Variants in MAD1L1 observed in about 807,000 individuals in gnomAD.
MAD1L1 encodes the protein mitotic spindle assembly checkpoint protein MAD1.
MAD1L1 carries 95 observed loss-of-function variants against 96.9 expected under a neutral mutation model. The ratio of observed to expected loss-of-function variants is 0.98; its 90% confidence interval spans 0.83 to 1.16. MAD1L1 has a LOEUF of 1.16. MAD1L1 is among the 50% of genes most tolerant of loss of function. The pLI, the probability that MAD1L1 is intolerant of heterozygous loss-of-function variation, is 0.00. For missense variants in MAD1L1, 1,007 were observed against 954.4 expected (o/e 1.06, Z -0.73); for synonymous variants, 473 against 396.6 (o/e 1.19, Z -2.29).
At chr7:2,130,681 ACT>A (rs1336204204) in intron 11 of MAD1L1, among the ~76,000 whole-genome samples, 2 of 151,954 alleles carry the variant, frequency 1.3e-5, no homozygotes, top group African/African-American at 4.8e-5. Flanking sequence ...CGTGTCCGCG[ACT>A]CTCTCTTCCT....
At chr7:2,178,697 G>C (rs756134661) in intron 10 of MAD1L1, among the ~76,000 whole-genome samples, 1 of 152,152 alleles carries the variant, frequency 6.6e-6, no homozygotes, top group Non-Finnish European at 1.5e-5. Flanking sequence ...AGAAGTTCGA[G>C]ACAAGCCTGG....
At chr7:2,030,058 G>A (rs1158206877) in intron 12 of MAD1L1, among the ~76,000 whole-genome samples, 6 of 152,216 alleles carry the variant, frequency 3.9e-5, no homozygotes, top group African/African-American at 1.4e-4. Flanking sequence ...CATTCAGGGA[G>A]CAGATGGAAA....
intron 12 of MAD1L1, among the ~76,000 whole-genome samples, chr7:2,037,328 C>T (rs2128508854): frequency 6.6e-6 from 1 of 152,046 alleles, no homozygotes; most frequent in East Asian, 1.9e-4. Context: ...GCACAGTGTG[C>T]TGGCCACAAT....
chr7:1,970,380 T>A (rs1222175813), intron 15 of MAD1L1, among the ~76,000 whole-genome samples: 2 of 148,448 alleles, frequency 1.3e-5, no homozygotes, highest in African/African-American at 5.0e-5. Flanking sequence ...GTTACCCAGG[T>A]TGGAGTGCAG....
At chr7:1,819,241 C>A (rs533368461) in intron 18 of MAD1L1, among the ~76,000 whole-genome samples, 1 of 152,174 alleles carries the variant, frequency 6.6e-6, no homozygotes, top group Admixed American at 6.5e-5. Flanking sequence ...CAGTAAGACA[C>A]GTTGGCTGTG....
intron 14 of MAD1L1, among the ~76,000 whole-genome samples, chr7:2,000,247 T>C (rs1231126301): frequency 6.6e-6 from 1 of 151,876 alleles, no homozygotes; most frequent in Non-Finnish European, 1.5e-5. Flanking sequence ...TGCATCTCCC[T>C]TCAACGCAGC....
At chr7:1,932,227 G>A (rs1789519894) in intron 17 of MAD1L1, among the ~76,000 whole-genome samples, 1 of 152,216 alleles carries the variant, frequency 6.6e-6, no homozygotes, top group South Asian at 2.1e-4. Flanking sequence ...CAGGCCTAAG[G>A]CTTCCTTCTC....
intron 18 of MAD1L1, among the ~76,000 whole-genome samples, chr7:1,829,217 A>T (rs1782580912): frequency 6.6e-6 from 1 of 152,226 alleles, no homozygotes; most frequent in Non-Finnish European, 1.5e-5. Flanking sequence ...CACCACCCGC[A>T]TCAGCGCCAG....
intron 13 of MAD1L1, among the ~76,000 whole-genome samples, chr7:2,010,906 A>G (rs1782269960): frequency 6.6e-6 from 1 of 151,998 alleles, no homozygotes; most frequent in Admixed American, 6.5e-5. Flanking sequence ...TGAGTGGGGG[A>G]CAGAGGGGTG....
At chr7:1,871,819 C>T (rs897003649) in intron 18 of MAD1L1, among the ~76,000 whole-genome samples, 26 of 152,308 alleles carry the variant, frequency 1.7e-4, no homozygotes, top group East Asian at 7.7e-4. Flanking sequence ...CAGGCTTCCC[C>T]GGAGGGCCAG....
chr7:1,911,814 C>T (rs1450963303), intron 17 of MAD1L1, among the ~76,000 whole-genome samples: 1 of 152,278 alleles, frequency 6.6e-6, no homozygotes, highest in African/African-American at 2.4e-5. Context: ...TCTTGGGCAT[C>T]CTATCCCTCT....
At chr7:2,172,898 G>A (rs778389959) in intron 10 of MAD1L1, among the ~76,000 whole-genome samples, 3 of 152,230 alleles carry the variant, frequency 2.0e-5, no homozygotes, top group South Asian at 2.1e-4. Context: ...TGCACACCGC[G>A]GTCTGTGCGC....
intron 11 of MAD1L1, among the ~76,000 whole-genome samples, chr7:2,070,201 C>T (rs1173594860): frequency 6.6e-6 from 1 of 152,338 alleles, no homozygotes; most frequent in Admixed American, 6.5e-5. Context: ...GACTTGGGAC[C>T]GGACAAATGA....
chr7:1,904,224 T>C lies in MAD1L1; in HGVS notation c.1808-5834A>G, dbSNP rs549043579. On this transcript the variant is annotated intron_variant, in intron 17 of 18. Coordinates refer to ENST00000265854, the MANE Select transcript of MAD1L1 (RefSeq NM_001013836.2). ...CAGGCAGCGAGCACGCAGTGGCCTA[T>C]TGAAGAAGCTCTTGCGGAACTCATG... 7.7e-5 allele frequency among the ~76,000 whole-genome samples: 11 copies of C among 142,182 alleles called. No individual in the cohort carries two copies. The East Asian group carries it at 8.6e-4, about 11-fold the overall frequency. 93.3% of individuals were successfully genotyped at this position (142,182 alleles called of 152,430 possible). A position where few individuals can be genotyped will look rare whatever the true frequency, so the allele number is the denominator to read the frequency against.
intron 15 of MAD1L1, among the ~76,000 whole-genome samples, chr7:1,963,972 G>T (rs1056111827): frequency 2.6e-5 from 4 of 152,242 alleles, no homozygotes; most frequent in Non-Finnish European, 5.9e-5. Context: ...CGCAAGTGCT[G>T]TGGCTTTACA....
chr7:2,139,986 A>ACCCCCCCCCCCCCCCCCCCCCCCC (rs1562723081), intron 11 of MAD1L1, among the ~76,000 whole-genome samples: 1 of 138,928 alleles, frequency 7.2e-6, no homozygotes, highest in African/African-American at 2.7e-5. Flanking sequence ...TACTATCTGG[A>ACCCCCCCCCCCCCCCCCCCCCCCC]CCCCGCCCCC....
At chr7:1,842,408 C>T (rs1418830386) in intron 18 of MAD1L1, among the ~76,000 whole-genome samples, 1 of 152,262 alleles carries the variant, frequency 6.6e-6, no homozygotes, top group African/African-American at 2.4e-5. Context: ...TCAGCCGTCA[C>T]AGCCGGGCTT....
chr7:1,885,121 T>C (rs1440839063), intron 18 of MAD1L1, among the ~76,000 whole-genome samples: 1 of 152,114 alleles, frequency 6.6e-6, no homozygotes, highest in Non-Finnish European at 1.5e-5. Context: ...GGCCCTGTGG[T>C]AGAGTCATAG....
intron 18 of MAD1L1, among the ~76,000 whole-genome samples, chr7:1,894,019 G>A (rs1786714364): frequency 1.3e-5 from 2 of 152,332 alleles, no homozygotes; most frequent in East Asian, 1.9e-4. Context: ...CTGTCTGGCA[G>A]AGCCCTAGAC....
Sources: allele counts gnomAD v4.1 joint callset (sites outside exome capture counted in the v4.1 genomes callset), GRCh38; gene constraint gnomAD v4.1.1; transcripts MANE v1.5; gene names NCBI Gene and HGNC (gene_info 2026-07-23, HGNC 2026-07-21).